Variants in UBLCP1 observed in about 807,000 individuals in gnomAD.
UBLCP1 encodes ubiquitin like domain containing CTD phosphatase 1, also known as ubiquitin-like domain-containing CTD phosphatase 1.
A neutral mutation model predicts 42.4 loss-of-function variants in UBLCP1; 28 were observed. That is an observed-to-expected ratio of 0.66 (90% CI 0.49 to 0.90). The LOEUF is 0.90. Ranked by LOEUF, UBLCP1 falls within the 40% of genes least tolerant of loss-of-function variation. The probability of loss-of-function intolerance (pLI) is 0.00; values close to 1 mark genes in which losing one functional copy is unlikely to be tolerated. For missense variants in UBLCP1, 279 were observed against 374.5 expected (o/e 0.75, Z 2.10); for synonymous variants, 122 against 120.8 (o/e 1.01, Z -0.07).
intron 8 of UBLCP1, among the ~76,000 whole-genome samples, chr5:159,276,841 C>CA (rs1168919815): frequency 6.6e-6 from 1 of 152,162 alleles, no homozygotes; most frequent in East Asian, 1.9e-4. Flanking sequence ...TGCCTGGAGT[C>CA]AATGTATCAG....
chr5:159,266,017 A>T (rs1359393645), intron 1 of UBLCP1, among the ~76,000 whole-genome samples: 5 of 152,184 alleles, frequency 3.3e-5, no homozygotes, highest in Non-Finnish European at 1.5e-5. Flanking sequence ...AAACAGACTA[A>T]TACGGTAAAT....
rs1238355467 is a variant in UBLCP1, at chr5:159,268,757, CCTCT to C, written c.-46-110_-46-107del. ...GTAGCACTCCTGTATGGACAAAAATCCTCTCTATCATAAGTTGTAAAATAAGGCT... is the reference window on the plus strand; with the variant it reads ...GTAGCACTCCTGTATGGACAAAAATCCTATCATAAGTTGTAAAATAAGGCT... On this transcript the variant is annotated intron_variant, in intron 1 of 10. Transcript: ENST00000296786. 17 of 720,080 alleles carry C rather than the reference CCTCT, an allele frequency of 2.4e-5. No homozygotes were observed. In the South Asian group the frequency reaches 3.4e-4, roughly 14 times the overall value. 44.6% of individuals were successfully genotyped at this position (720,080 alleles called of 1,614,324 possible).
intron 5 of UBLCP1, 148 bp downstream of exon 5, chr5:159,270,791 A>G (rs1427332925): frequency 2.0e-6 from 1 of 511,106 alleles, no homozygotes. Flanking sequence ...GCTCATTGTA[A>G]AAAATACAGA....
chr5:159,266,773 G>T (rs1216638405), intron 1 of UBLCP1, among the ~76,000 whole-genome samples: 2 of 152,370 alleles, frequency 1.3e-5, no homozygotes, highest in African/African-American at 4.8e-5. Context: ...GCTGAAAGGG[G>T]CCAACTTACA....
At chr5:159,282,788 AAAAT>A (rs1753623736) in intron 9 of UBLCP1, among the ~76,000 whole-genome samples, 1 of 152,126 alleles carries the variant, frequency 6.6e-6, no homozygotes, top group African/African-American at 2.4e-5. Flanking sequence ...ATAGAAAAAT[AAAAT>A]AAAAATCATC....
intron 9 of UBLCP1, among the ~76,000 whole-genome samples, chr5:159,278,591 G>T (rs1341748251): frequency 6.6e-6 from 1 of 151,944 alleles, no homozygotes; most frequent in Non-Finnish European, 1.5e-5. Flanking sequence ...ATTTATTTTT[G>T]AGACGGGATC....
chr5:159,270,885 T>C (rs1753457300), intron 5 of UBLCP1, among the ~76,000 whole-genome samples: 1 of 127,362 alleles, frequency 7.9e-6, no homozygotes, highest in Non-Finnish European at 1.8e-5. Context: ...TTAGACTGTT[T>C]GTATGGATCT....
In UBLCP1 at chr5:159,266,607, G is replaced by A. The variant is rs868080166; in HGVS notation, c.-46-2263G>A. On this transcript the variant is annotated intron_variant, in intron 1 of 10. Coordinates refer to ENST00000296786, the MANE Select transcript of UBLCP1 (RefSeq NM_145049.5). ...TAATCCCCTAGACCGTGGGGAAAAT[G>A]TCTCCAGGCTATGTCAAAGACCTTC... 7.2e-5 allele frequency among the ~76,000 whole-genome samples: 11 copies of A among 152,354 alleles called. No homozygotes were observed. The South Asian group carries it at 2.3e-3, about 32-fold the overall frequency.
intron 4 of UBLCP1, 31 bp downstream of exon 4, chr5:159,270,476 TTGTCA>T: frequency 1.9e-6 from 3 of 1,606,428 alleles, no homozygotes; most frequent in African/African-American, 1.3e-5. Context: ...AAGTAATCAG[TTGTCA>T]TGTGAGAACA....
intron 1 of UBLCP1, among the ~76,000 whole-genome samples, chr5:159,267,175 G>T (rs1444291954): frequency 2.0e-5 from 3 of 152,162 alleles, no homozygotes; most frequent in Non-Finnish European, 4.4e-5. Context: ...GGGAGGGAGG[G>T]TTTACCTTGC....
chr5:159,277,657 G>T (rs1352036815), intron 8 of UBLCP1, among the ~76,000 whole-genome samples: 2 of 152,134 alleles, frequency 1.3e-5, no homozygotes, highest in Admixed American at 6.5e-5. Context: ...TTCAGTTTAA[G>T]AATTCAGAAA....
At chr5:159,267,143 A>G (rs890325848) in intron 1 of UBLCP1, among the ~76,000 whole-genome samples, 1 of 152,156 alleles carries the variant, frequency 6.6e-6, no homozygotes, top group Non-Finnish European at 1.5e-5. Flanking sequence ...CAGACACTCA[A>G]TGCCAGCCCG....
chr5:159,266,649 G>A (rs114061933), intron 1 of UBLCP1, among the ~76,000 whole-genome samples: 2,109 of 152,320 alleles, frequency 0.014, 55 homozygotes, highest in African/African-American at 0.049. Context: ...GCCCCTCCCA[G>A]CACAGGCCCG....
At chr5:159,278,879 T>A (rs1753571944) in intron 9 of UBLCP1, among the ~76,000 whole-genome samples, 1 of 152,146 alleles carries the variant, frequency 6.6e-6, no homozygotes, top group Admixed American at 6.5e-5. Flanking sequence ...GCCCAAGTGT[T>A]TTATTTTTAA....
At chr5:159,266,602 A>G (rs1262109555) in intron 1 of UBLCP1, among the ~76,000 whole-genome samples, 2 of 152,198 alleles carry the variant, frequency 1.3e-5, no homozygotes, top group Non-Finnish European at 2.9e-5. Flanking sequence ...GACCGTGGGG[A>G]AAATGTCTCC....
At chr5:159,265,727 C>G (rs577117623) in intron 1 of UBLCP1, among the ~76,000 whole-genome samples, 4 of 152,334 alleles carry the variant, frequency 2.6e-5, no homozygotes, top group African/African-American at 9.6e-5. Context: ...TCCTCATTCT[C>G]TCTTGCCACT....
intron 10 of UBLCP1, 110 bp from the exon 11 acceptor site, chr5:159,284,794 T>A: frequency 9.3e-7 from 1 of 1,075,812 alleles, no homozygotes; most frequent in South Asian, 1.3e-5. Flanking sequence ...TTAAGAATAC[T>A]CATCTTGAAA....
In UBLCP1 at chr5:159,283,784, T is replaced by A. The variant is rs139496665; in HGVS notation, c.929+445T>A. On this transcript the variant is annotated intron_variant, in intron 10 of 10. Coordinates refer to ENST00000296786, the MANE Select transcript of UBLCP1 (RefSeq NM_145049.5). ...GAGTGTAGCAGAGAAATTAGAAAAGTTTATCCTACTAAAAAAACAATTACT... is the reference window on the plus strand; with the variant it reads ...GAGTGTAGCAGAGAAATTAGAAAAGATTATCCTACTAAAAAAACAATTACT... Among the ~76,000 whole-genome samples, 892 of 152,210 alleles carry A rather than the reference T, an allele frequency of 5.9e-3. 4 individuals carry two copies. The highest frequency in any genetic ancestry group is 8.8e-3 in the Non-Finnish European group (597 of 67,946).
At chr5:159,268,847 T>G (rs1280882143) in intron 1 of UBLCP1, 23 bp from the exon 2 acceptor site, 2 of 1,536,350 alleles carry the variant, frequency 1.3e-6, no homozygotes, top group Non-Finnish European at 1.8e-6. Context: ...TTTTAACTTG[T>G]TCATTTTTGT....
Sources: allele counts gnomAD v4.1 joint callset (sites outside exome capture counted in the v4.1 genomes callset), GRCh38; gene constraint gnomAD v4.1.1; transcripts MANE v1.5; gene names NCBI Gene and HGNC (gene_info 2026-07-23, HGNC 2026-07-21).